The following BCAT1 variants were observed in gnomAD, a reference collection of about 807,000 sequenced individuals.
BCAT1 encodes the protein branched-chain-amino-acid aminotransferase, cytosolic.
BCAT1 carries 48 observed loss-of-function variants against 52.4 expected under a neutral mutation model. The ratio of observed to expected loss-of-function variants is 0.92; its 90% CI spans 0.73 to 1.16. The LOEUF is 1.16. BCAT1 is among the 50% of genes most tolerant of loss of function. The pLI is 0.00. For missense variants in BCAT1, 451 were observed against 457.1 expected, an observed-to-expected ratio of 0.99 and a Z score of 0.12; for synonymous variants, 167 against 161.3, an observed-to-expected ratio of 1.04 and a Z score of -0.27.
rs774892015 is a variant in BCAT1, at chr12:24,815,132, C to A, written c.*2876G>T. ...TTTTTAGGAACTGCTCAGGTTTTGC[C>A]TTTGTCTTGACACTTCATTTTAAAA... is the stretch of plus-strand genomic sequence containing the variant. On this transcript the variant is annotated 3_prime_UTR_variant, in exon 11 of 11. Transcript: ENST00000261192. The A allele has an allele frequency of 1.3e-5, 2 of 152,114 alleles. No individual in the cohort carries two copies. The highest frequency in any genetic ancestry group is 2.9e-5 in the Non-Finnish European group (2 of 68,032). The allele number at this position is 152,114 out of a possible 1,614,324, so 9.4% of individuals were successfully genotyped here.
chr12:24,821,663 T>C (rs1388768737), intron 10 of BCAT1, among the ~76,000 whole-genome samples: 1 of 152,224 alleles, frequency 6.6e-6, no homozygotes, highest in Non-Finnish European at 1.5e-5. Context: ...GAAACATTAC[T>C]GCATACGCAT....
intron 7 of BCAT1, among the ~76,000 whole-genome samples, chr12:24,839,032 T>G (rs968973170): frequency 2.0e-5 from 3 of 152,210 alleles, no homozygotes; most frequent in African/African-American, 7.2e-5. Flanking sequence ...GTTTACCGTT[T>G]TAAGCTCTAT....
In BCAT1 at chr12:24,875,749, T is replaced by A. The variant is rs184178139; in HGVS notation, c.510+2781A>T. ...AAGAATTCCCTAATAGTGAGAATGA[T>A]CATGACTACAAGATGGACCACAAAA... On this transcript the variant is annotated intron_variant, in intron 5 of 10. Transcript: ENST00000261192. Among the ~76,000 whole-genome samples the A allele has an allele frequency of 1.1e-4, 16 of 152,264 alleles. No individual in the cohort carries two copies. In the East Asian group the frequency reaches 2.7e-3, roughly 26 times the overall value.
intron 5 of BCAT1, among the ~76,000 whole-genome samples, chr12:24,875,967 G>A (rs943389549): frequency 1.3e-5 from 2 of 152,158 alleles, no homozygotes; most frequent in Middle Eastern, 3.4e-3. Flanking sequence ...AACATCCATC[G>A]TATCTTAGCT....
intron 1 of BCAT1, among the ~76,000 whole-genome samples, chr12:24,943,796 A>T (rs537997938): frequency 1.2e-4 from 18 of 152,006 alleles, no homozygotes; most frequent in East Asian, 1.2e-3. Flanking sequence ...CTTCCTGGCT[A>T]ACATGGTGAA....
chr12:24,877,115 C>T (rs1206129916), intron 5 of BCAT1, among the ~76,000 whole-genome samples: 2 of 152,132 alleles, frequency 1.3e-5, no homozygotes, highest in Non-Finnish European at 2.9e-5. Flanking sequence ...ATCAAGGATA[C>T]CAAAGAAAAC....
At chr12:24,842,252 A>G in intron 6 of BCAT1, 28 bp from the exon 7 acceptor site, 1 of 1,611,588 alleles carries the variant, frequency 6.2e-7, no homozygotes. Flanking sequence ...TACACAGGTT[A>G]CAAACATACT....
Position 24,881,336 on chromosome 12 carries a change from T to C in BCAT1, c.355A>G (p.Arg119Gly), listed in dbSNP as rs1208814726. The change falls in exon 4 of 11, where the codon AGA becomes GGA. Residue 119 changes from arginine to glycine, a missense_variant. Coordinates refer to ENST00000261192, the MANE Select transcript of BCAT1 (RefSeq NM_005504.7). The part of the protein sequence containing the change: ...RLFQPNLNMD[R>G]MYRSAVRATL... ...GCCCTCACAGCAGAGCGATACATTC[T>C]ATCCATGTTGAGGTTTGGCTGAAAC... 6.2e-7 allele frequency: 1 copy of C among 1,613,194 alleles called. No homozygotes were observed. The highest frequency in any genetic ancestry group is 8.5e-7 in the Non-Finnish European group (1 of 1,179,154).
chr12:24,848,291 G>A (rs12229575), intron 6 of BCAT1, among the ~76,000 whole-genome samples: 12,944 of 152,022 alleles, frequency 0.085, 706 homozygotes, highest in Non-Finnish European at 0.11. Flanking sequence ...ACCCCTTCCC[G>A]AACACCCTCT....
chr12:24,848,794 G>A (rs1054054721), intron 6 of BCAT1, among the ~76,000 whole-genome samples: 1 of 152,198 alleles, frequency 6.6e-6, no homozygotes, highest in African/African-American at 2.4e-5. Flanking sequence ...TAGTTTTAAT[G>A]CACTCCATTT....
chr12:24,934,972 C>G (rs1943731406), intron 1 of BCAT1, among the ~76,000 whole-genome samples: 1 of 152,194 alleles, frequency 6.6e-6, no homozygotes, highest in African/African-American at 2.4e-5. Context: ...TCTCTAGAAA[C>G]AGGCTCCATA....
chr12:24,944,355 T>C (rs1943902708), intron 1 of BCAT1, among the ~76,000 whole-genome samples: 1 of 152,236 alleles, frequency 6.6e-6, no homozygotes, highest in African/African-American at 2.4e-5. Context: ...CCCTTTTATG[T>C]AGTGGTGGAA....
chr12:24,914,212 G>C (rs1301042542), intron 1 of BCAT1, among the ~76,000 whole-genome samples: 1 of 151,882 alleles, frequency 6.6e-6, no homozygotes, highest in Non-Finnish European at 1.5e-5. Context: ...CTCCCGAGGA[G>C]CTGGGACCAC....
intron 4 of BCAT1, among the ~76,000 whole-genome samples, chr12:24,880,919 G>A (rs1417813017): frequency 1.3e-5 from 2 of 151,524 alleles, no homozygotes; most frequent in African/African-American, 2.4e-5. Context: ...GCTCACTGCA[G>A]CCTCCACCTG....
intron 1 of BCAT1, among the ~76,000 whole-genome samples, chr12:24,944,650 A>G (rs2139768753): frequency 6.6e-6 from 1 of 152,342 alleles, no homozygotes; most frequent in Admixed American, 6.5e-5. Flanking sequence ...TGAGGGATAA[A>G]CCGTAAATGC....
chr12:24,933,062 G>A (rs4963824), intron 1 of BCAT1, among the ~76,000 whole-genome samples: 24,608 of 147,232 alleles, frequency 0.17, 2,231 homozygotes, highest in East Asian at 0.29. Flanking sequence ...CACCCGCCTC[G>A]GCCTCCCAAA....
intron 3 of BCAT1, among the ~76,000 whole-genome samples, chr12:24,886,794 C>T (rs1398130191): frequency 6.9e-6 from 1 of 145,542 alleles, no homozygotes; most frequent in East Asian, 2.1e-4. Flanking sequence ...GCCAGGAGTT[C>T]AACACCAGCC....
intron 1 of BCAT1, among the ~76,000 whole-genome samples, chr12:24,916,800 A>G (rs1294610839): frequency 3.3e-5 from 5 of 152,206 alleles, no homozygotes; most frequent in African/African-American, 1.2e-4. Flanking sequence ...CGCCCTCCCA[A>G]GGTGCTGGGA....
intron 6 of BCAT1, among the ~76,000 whole-genome samples, chr12:24,846,126 A>G (rs1240775402): frequency 6.6e-6 from 1 of 152,260 alleles, no homozygotes; most frequent in Admixed American, 6.5e-5. Flanking sequence ...GTGTAGCTGA[A>G]TTAAAACCAT....
Sources: allele counts gnomAD v4.1 joint callset (sites outside exome capture counted in the v4.1 genomes callset), GRCh38; gene constraint gnomAD v4.1.1; transcripts MANE v1.5; gene names NCBI Gene and HGNC (gene_info 2026-07-23, HGNC 2026-07-21).